Variants in HYCC2 observed in about 807,000 individuals in gnomAD.
The protein encoded by HYCC2 is hyccin PI4KA lipid kinase complex subunit 2.
the HYCC2 span, chr2:200,988,390 A>G: frequency 6.2e-7 from 1 of 1,613,288 alleles, no homozygotes; most frequent in Non-Finnish European, 8.5e-7. Context: ...AGGAGCATCA[A>G]ATGGTAATGA....
chr2:200,999,055 G>A, the HYCC2 span, among the ~76,000 whole-genome samples: 3 of 152,222 alleles, frequency 2.0e-5, no homozygotes, highest in Admixed American at 1.3e-4. Context: ...AAAATAGGAA[G>A]ATTAAGTGAA....
the HYCC2 span, among the ~76,000 whole-genome samples, chr2:201,015,058 T>G: frequency 7.0e-3 from 1,070 of 152,274 alleles, 46 homozygotes; most frequent in Admixed American, 0.065. Context: ...ACTCAACGAC[T>G]CCAAGATACA....
chr2:201,031,211 C>G, the HYCC2 span, among the ~76,000 whole-genome samples: 13 of 152,060 alleles, frequency 8.5e-5, no homozygotes, highest in Non-Finnish European at 1.6e-4. Context: ...AAAGCTACTA[C>G]CATAGCATAG....
chr2:201,028,316 C>CA, the HYCC2 span, among the ~76,000 whole-genome samples: 1 of 151,830 alleles, frequency 6.6e-6, no homozygotes, highest in East Asian at 1.9e-4. Flanking sequence ...TAAAAGAGGG[C>CA]ACAAAAAAAT....
chr2:201,055,842 T>A, the HYCC2 span, among the ~76,000 whole-genome samples: 2 of 151,906 alleles, frequency 1.3e-5, no homozygotes, highest in South Asian at 2.1e-4. Context: ...GGGAGGATCA[T>A]TTGAGGCCAG....
the HYCC2 span, among the ~76,000 whole-genome samples, chr2:201,002,342 A>G: frequency 6.6e-6 from 1 of 152,148 alleles, no homozygotes; most frequent in Admixed American, 6.5e-5. Flanking sequence ...GAAAAACAAT[A>G]ATGAATAACA....
At chr2:201,049,142 A>G in the HYCC2 span, among the ~76,000 whole-genome samples, 2 of 151,876 alleles carry the variant, frequency 1.3e-5, no homozygotes, top group Non-Finnish European at 2.9e-5. Context: ...AAAAAAAGAA[A>G]ACAAAAACAT....
At chr2:201,028,007 AAAG>A in the HYCC2 span, among the ~76,000 whole-genome samples, 3 of 152,236 alleles carry the variant, frequency 2.0e-5, no homozygotes, top group Non-Finnish European at 4.4e-5. Flanking sequence ...TCAATTAGGA[AAAG>A]AAGAAGTCAA....
chr2:201,016,284 T>C, the HYCC2 span, among the ~76,000 whole-genome samples: 1 of 152,154 alleles, frequency 6.6e-6, no homozygotes, highest in African/African-American at 2.4e-5. Context: ...CTTATAGACA[T>C]TTGAATTGTT....
the HYCC2 span, among the ~76,000 whole-genome samples, chr2:201,010,229 A>G: frequency 1.3e-5 from 2 of 152,194 alleles, no homozygotes; most frequent in African/African-American, 4.8e-5. Flanking sequence ...TACTGTGCTA[A>G]AATGATTCCT....
the HYCC2 span, chr2:200,978,715 T>A: frequency 6.6e-6 from 1 of 152,072 alleles, no homozygotes; most frequent in East Asian, 1.9e-4. Context: ...GACCTCATGA[T>A]TCACCCACCT....
At chr2:201,049,564 A>T in the HYCC2 span, among the ~76,000 whole-genome samples, 1 of 150,718 alleles carries the variant, frequency 6.6e-6, no homozygotes, top group Non-Finnish European at 1.5e-5. Flanking sequence ...CACGTTGGCC[A>T]GGGTGGTCTC....
chr2:201,020,401 A>AT, the HYCC2 span, among the ~76,000 whole-genome samples: 77 of 152,318 alleles, frequency 5.1e-4, 1 homozygote, highest in Admixed American at 2.0e-4. Context: ...TGAGGTGAAG[A>AT]AATGGAGACA....
chr2:201,008,949 A>C, the HYCC2 span: 1 of 1,363,818 alleles, frequency 7.3e-7, no homozygotes, highest in Non-Finnish European at 1.0e-6. Context: ...ACAAGTTGTT[A>C]CTATATACAG....
At chr2:201,013,393 C>T in the HYCC2 span, among the ~76,000 whole-genome samples, 1 of 151,930 alleles carries the variant, frequency 6.6e-6, no homozygotes, top group Non-Finnish European at 1.5e-5. Context: ...TCACTTGAAC[C>T]CCGGAAGTAA....
the HYCC2 span, among the ~76,000 whole-genome samples, chr2:201,040,329 T>C: frequency 2.6e-5 from 4 of 152,134 alleles, no homozygotes; most frequent in East Asian, 7.7e-4. Flanking sequence ...TCAGAATTTC[T>C]TTCATTAAAA....
At chr2:201,001,872 A>G in the HYCC2 span, among the ~76,000 whole-genome samples, 1 of 151,970 alleles carries the variant, frequency 6.6e-6, no homozygotes, top group African/African-American at 2.4e-5. Flanking sequence ...GGGTCTCACC[A>G]TGTTGGCTAA....
At chr2:201,063,355 T>C in the HYCC2 span, 6 of 1,568,524 alleles carry the variant, frequency 3.8e-6, no homozygotes, top group Non-Finnish European at 5.2e-6. Context: ...CAAAGAGAGC[T>C]GTCTCGAGAG....
the HYCC2 span, chr2:201,022,735 C>T: frequency 9.7e-6 from 7 of 724,010 alleles, no homozygotes; most frequent in Non-Finnish European, 1.5e-5. Flanking sequence ...TTTTCCAGAT[C>T]CACAAGGAAA....
Sources: allele counts gnomAD v4.1 joint callset (sites outside exome capture counted in the v4.1 genomes callset), GRCh38; gene constraint gnomAD v4.1.1; transcripts MANE v1.5; gene names NCBI Gene and HGNC (gene_info 2026-07-23, HGNC 2026-07-21).